PARD3B: variants seen among roughly 807,000 people sequenced by gnomAD.
PARD3B encodes the protein par-3 family cell polarity regulator beta.
A neutral mutation model predicts 130.2 loss-of-function variants in PARD3B; 103 were observed. The ratio of observed to expected loss-of-function variants is 0.79; its 90% CI spans 0.67 to 0.93. The LOEUF (loss-of-function observed/expected upper bound fraction) is 0.93, where lower values mean the gene tolerates loss of function less well. Ranked by LOEUF, PARD3B falls within the 40% of genes least tolerant of loss-of-function variation. The pLI, the probability that PARD3B is intolerant of heterozygous loss-of-function variation, is 0.00. For synonymous variants in PARD3B, 583 were observed against 553.2 expected, an observed-to-expected ratio of 1.05 and a Z score of -0.76; for missense variants, 1,609 against 1,499.2, an observed-to-expected ratio of 1.07 and a Z score of -1.21.
chr2:205,207,016 T>G (rs1437873699), intron 15 of PARD3B, among the ~76,000 whole-genome samples: 2 of 145,536 alleles, frequency 1.4e-5, no homozygotes, highest in African/African-American at 5.3e-5. Flanking sequence ...TAACAAACTA[T>G]CTCTCAGACC....
intron 2 of PARD3B, among the ~76,000 whole-genome samples, chr2:204,710,368 A>G (rs1237181792): frequency 6.6e-6 from 1 of 152,246 alleles, no homozygotes; most frequent in Non-Finnish European, 1.5e-5. Flanking sequence ...TCTCCAGAAC[A>G]TGCAGTGATC....
Position 204,664,056 on chromosome 2 carries a change from G to A in PARD3B, c.121-22125G>A, listed in dbSNP as rs535814971. 3.4e-4 allele frequency among the ~76,000 whole-genome samples: 51 copies of A among 152,206 alleles called. No homozygotes were observed. The highest frequency in any genetic ancestry group is 1.2e-3 in the African/African-American group (49 of 41,524). On this transcript the variant is annotated intron_variant, in intron 1 of 22. Transcript: ENST00000406610. This position sits in a 1 kb window ranked among gnomAD's most constrained non-coding sequence, Gnocchi z 5.2. ...TGTTCAAAGAATAGGGCCCTTAATT[G>A]GGTGGGATTTTTATTTGATTTATGA...
At chr2:205,430,693 G>T (rs1053034136) in intron 19 of PARD3B, among the ~76,000 whole-genome samples, 2 of 152,094 alleles carry the variant, frequency 1.3e-5, no homozygotes, top group Non-Finnish European at 2.9e-5. Context: ...CAGCACATGG[G>T]ACCAACTACA....
At chr2:205,329,887 G>A (rs1028788201) in intron 18 of PARD3B, among the ~76,000 whole-genome samples, 4 of 151,290 alleles carry the variant, frequency 2.6e-5, no homozygotes, top group Non-Finnish European at 5.9e-5. Flanking sequence ...CCAGCTACTC[G>A]GGAGGCTGAG....
At chr2:205,561,407 T>C (rs2053131111) in intron 22 of PARD3B, among the ~76,000 whole-genome samples, 2 of 152,098 alleles carry the variant, frequency 1.3e-5, no homozygotes, top group African/African-American at 4.8e-5. Context: ...GGTAAACAGG[T>C]GTGTGAGTGC....
intron 14 of PARD3B, among the ~76,000 whole-genome samples, chr2:205,186,117 A>G (rs1424446306): frequency 6.6e-6 from 1 of 152,184 alleles, no homozygotes; most frequent in Admixed American, 6.5e-5. Context: ...AAATGGTTGA[A>G]CTTTCATTTA....
rs569982566 is a variant in PARD3B at position 204,596,667 on chromosome 2, G to T, written c.120+50548G>T. 8.7e-3 allele frequency among the ~76,000 whole-genome samples: 1,328 copies of T among 152,286 alleles called. 21 individuals are homozygous for T. The highest frequency in any genetic ancestry group is 0.03 in the African/African-American group (1,262 of 41,556). ...AACTTGGCCAGGCGCGGTGGCTCAT[G>T]CCTGTAATCCCAGCACTTTGGGAGG... is the stretch of plus-strand genomic sequence containing the variant. On this transcript the variant is annotated intron_variant, in intron 1 of 22. Coordinates refer to ENST00000406610, the MANE Select transcript of PARD3B (RefSeq NM_001302769.2).
rs1429764236 is a variant in PARD3B at position 205,128,259 on chromosome 2, C to T, written c.1434+2522C>T. 6.6e-6 allele frequency among the ~76,000 whole-genome samples: 1 copy of T among 152,196 alleles called. No individual in the cohort carries two copies. The highest frequency in any genetic ancestry group is 2.4e-5 in the African/African-American group (1 of 41,436). ...AGAACTCCAACTAGGAACTTAAACC[C>T]TCGAGCCTGCAGTTTCTGTCTAGTA... On this transcript the variant is annotated intron_variant, in intron 10 of 22. Coordinates refer to ENST00000406610, the MANE Select transcript of PARD3B (RefSeq NM_001302769.2). The surrounding 1 kb of genome is among the most constrained non-coding windows in gnomAD (Gnocchi z 4.5).
rs11390906 is a variant in PARD3B at position 205,421,136 on chromosome 2, C to CAA, written c.2742-19227_2742-19226dup. ...CAGAGCAAGACTCCATCTCAAAAAA[C>CAA]AAAAAAAACAAAACAAAAAAAACGG... On this transcript the variant is annotated intron_variant, in intron 19 of 22. Transcript: ENST00000406610. The surrounding 1 kb of genome is among the most constrained non-coding windows in gnomAD (Gnocchi z 5.1). 4.4e-3 allele frequency among the ~76,000 whole-genome samples: 657 copies of CAA among 151,016 alleles called. 8 individuals are homozygous for CAA. Among genetic ancestry groups the CAA allele is most frequent in the African/African-American group, 0.015 (626 of 41,098 alleles).
Position 204,974,200 on chromosome 2 carries a change from G to T in PARD3B, c.394+8877G>T, listed in dbSNP as rs183365478. Among the ~76,000 whole-genome samples, 1,123 of 152,188 alleles carry T rather than the reference G, an allele frequency of 7.4e-3. 19 individuals carry two copies. The highest frequency in any genetic ancestry group is 0.025 in the African/African-American group (1,051 of 41,530). The stretch of plus-strand genomic sequence containing the variant: ...ACAGATGGAAGAAATTTGGAACTTT[G>T]GGGGGTTTTGGTGTGTAAAATTAGA... On this transcript the variant is annotated intron_variant, in intron 3 of 22. Transcript: ENST00000406610.
chr2:205,089,157 T>A (rs1701941550), intron 4 of PARD3B, among the ~76,000 whole-genome samples: 1 of 150,712 alleles, frequency 6.6e-6, no homozygotes, highest in Non-Finnish European at 1.5e-5. Flanking sequence ...TTTTTTTTTT[T>A]TCTTTTTTTC....
chr2:204,700,531 T>C (rs1472976415), intron 2 of PARD3B, among the ~76,000 whole-genome samples: 3 of 152,170 alleles, frequency 2.0e-5, no homozygotes, highest in East Asian at 1.9e-4. Flanking sequence ...TCTTTTATTA[T>C]GACATCTAGT....
At position 205,014,429 on chromosome 2, in the gene PARD3B, TGCA is replaced by T. The variant is rs947327514; in HGVS notation, c.395-33149_395-33147del. Among the ~76,000 whole-genome samples the T allele has an allele frequency of 6.6e-5, 10 of 152,326 alleles. No homozygotes were observed. The East Asian group carries it at 1.7e-3, about 27-fold the overall frequency. The stretch of plus-strand genomic sequence containing the variant: ...CAGGTACAGAGCAGGAAAGGAGAAC[TGCA>T]GCCAAGGGGTGATATCTAATTCACA... On this transcript the variant is annotated intron_variant, in intron 3 of 22. Coordinates refer to ENST00000406610, the MANE Select transcript of PARD3B (RefSeq NM_001302769.2).
intron 3 of PARD3B, among the ~76,000 whole-genome samples, chr2:204,996,438 T>C (rs1694187204): frequency 6.6e-6 from 1 of 152,192 alleles, no homozygotes; most frequent in Non-Finnish European, 1.5e-5. Context: ...GTGTGCCGGT[T>C]CTCAGATCTC....
chr2:205,588,724 T>G (rs2054283037), intron 22 of PARD3B, among the ~76,000 whole-genome samples: 1 of 152,226 alleles, frequency 6.6e-6, no homozygotes, highest in Non-Finnish European at 1.5e-5. Flanking sequence ...TACATTATAC[T>G]TCAATAAAAT....
At chr2:205,093,103 A>G (rs976968746) in intron 4 of PARD3B, among the ~76,000 whole-genome samples, 1 of 152,140 alleles carries the variant, frequency 6.6e-6, no homozygotes, top group Non-Finnish European at 1.5e-5. Context: ...GAATGCAGAG[A>G]CAGTATCATA....
At chr2:205,449,279 G>C (rs753989965) in intron 20 of PARD3B, among the ~76,000 whole-genome samples, 3 of 150,618 alleles carry the variant, frequency 2.0e-5, no homozygotes, top group Non-Finnish European at 4.4e-5. Context: ...GCCCAGGCTA[G>C]AATGCAGTGG....
intron 2 of PARD3B, among the ~76,000 whole-genome samples, chr2:204,931,232 G>A (rs1253411218): frequency 6.6e-6 from 1 of 152,078 alleles, no homozygotes; most frequent in African/African-American, 2.4e-5. Context: ...ACACCTGTAA[G>A]CTATTTGAGC....
At chr2:205,071,200 C>T (rs1314722782) in intron 4 of PARD3B, among the ~76,000 whole-genome samples, 2 of 152,154 alleles carry the variant, frequency 1.3e-5, no homozygotes, top group Admixed American at 6.5e-5. Context: ...GTAGAAGCTC[C>T]TTCAGACTAG....
Sources: gnomAD v4.1 joint callset for allele counts (sites outside exome capture counted in the v4.1 genomes callset) on GRCh38, gnomAD v4.1.1 for gene constraint, Gnocchi (gnomAD v3.1) non-coding constraint, MANE v1.5 for transcripts, NCBI Gene and HGNC (gene_info 2026-07-23, HGNC 2026-07-21) for gene names.